Variants in SELENOF observed in about 807,000 individuals in gnomAD.
SELENOF encodes the protein 15 kDa selenoprotein.
SELENOF carries 16 observed loss-of-function variants against 20.5 expected under a neutral mutation model. That is an observed-to-expected ratio of 0.78 (90% CI 0.53 to 1.19). The LOEUF is 1.19. Ranked by LOEUF, SELENOF falls within the 50% of genes most tolerant of loss-of-function variation. The probability of loss-of-function intolerance (pLI) is 0.00; values close to 1 mark genes in which losing one functional copy is unlikely to be tolerated. For missense variants in SELENOF, 215 were observed against 194.2 expected (o/e 1.11, Z -0.64); for synonymous variants, 78 against 74.5 (o/e 1.05, Z -0.24).
intron 2 of SELENOF, among the ~76,000 whole-genome samples, chr1:86,897,866 C>A (rs1182337416): frequency 6.6e-6 from 1 of 152,238 alleles, no homozygotes; most frequent in East Asian, 1.9e-4. Context: ...TGCTGCTCAA[C>A]TGTGGAGTCC....
chr1:86,863,979 G>T (rs1658530361), intron 4 of SELENOF, among the ~76,000 whole-genome samples: 1 of 152,108 alleles, frequency 6.6e-6, no homozygotes, highest in Non-Finnish European at 1.5e-5. Flanking sequence ...CTTTTAAAGA[G>T]AAAAATATCT....
chr1:86,913,641 T>C (rs999797496), intron 1 of SELENOF, among the ~76,000 whole-genome samples: 3 of 152,196 alleles, frequency 2.0e-5, no homozygotes, highest in Admixed American at 2.0e-4. Flanking sequence ...GACCAACGAC[T>C]TGAAGACTTG....
In SELENOF at chr1:86,909,650, A is replaced by G. The variant is rs1659925645; in HGVS notation, c.84+4378T>C. Among the ~76,000 whole-genome samples, 3 of 152,184 alleles carry G rather than the reference A, an allele frequency of 2.0e-5. No individual in the cohort carries two copies. In the South Asian group the frequency reaches 6.2e-4, roughly 31 times the overall value. On this transcript the variant is annotated intron_variant, in intron 1 of 4. Coordinates refer to ENST00000331835, the MANE Select transcript of SELENOF (RefSeq NM_004261.5). ...AGGAGGAGTGGAGGGATACTAACAC[A>G]CACACACACAGAGCTATGATTTGGT...
At chr1:86,898,886 C>T (rs1389144797) in intron 2 of SELENOF, among the ~76,000 whole-genome samples, 1 of 151,462 alleles carries the variant, frequency 6.6e-6, no homozygotes, top group Non-Finnish European at 1.5e-5. Context: ...AGCAGATAAA[C>T]AAGTGAACAA....
In SELENOF at chr1:86,880,606, A is replaced by G. The variant is rs140403305; in HGVS notation, c.316+56T>C. The G allele has an allele frequency of 5.3e-4, 501 of 951,026 alleles. 4 individuals carry two copies. The African/African-American group carries it at 6.2e-3, about 12-fold the overall frequency. 58.9% of individuals were successfully genotyped at this position (951,026 alleles called of 1,614,324 possible). On this transcript the variant is annotated intron_variant, in intron 3 of 4. Transcript: ENST00000331835. ...TGGGAATATATAGTGAAAACGATTCACATAAAATGTTGATTTTAAATGACT... is the reference window on the plus strand; with the variant it reads ...TGGGAATATATAGTGAAAACGATTCGCATAAAATGTTGATTTTAAATGACT...
intron 1 of SELENOF, among the ~76,000 whole-genome samples, chr1:86,909,248 T>C (rs1347603229): frequency 2.0e-5 from 3 of 152,262 alleles, no homozygotes; most frequent in Non-Finnish European, 2.9e-5. Context: ...TACTGTTTTT[T>C]CAACAATTAT....
At chr1:86,876,218 G>A (rs1010329357) in intron 3 of SELENOF, among the ~76,000 whole-genome samples, 1 of 152,006 alleles carries the variant, frequency 6.6e-6, no homozygotes, top group South Asian at 2.1e-4. Flanking sequence ...TGAGGGAGAA[G>A]AGACACAACA....
chr1:86,900,191 C>T (rs931605626), intron 2 of SELENOF, among the ~76,000 whole-genome samples: 1 of 151,900 alleles, frequency 6.6e-6, no homozygotes, highest in African/African-American at 2.4e-5. Flanking sequence ...GGGGTGGCGG[C>T]TGGGCAGAGG....
At chr1:86,893,877 G>A (rs1004781339) in intron 2 of SELENOF, among the ~76,000 whole-genome samples, 2 of 152,082 alleles carry the variant, frequency 1.3e-5, no homozygotes, top group African/African-American at 2.4e-5. Flanking sequence ...GGGAAGTGGA[G>A]GGCATCCAAT....
At chr1:86,913,628 C>T (rs991937534) in intron 1 of SELENOF, among the ~76,000 whole-genome samples, 1 of 152,172 alleles carries the variant, frequency 6.6e-6, no homozygotes, top group Non-Finnish European at 1.5e-5. Flanking sequence ...AACTGTTCGC[C>T]TGGACCAACG....
At chr1:86,887,840 T>A (rs1183128320) in intron 2 of SELENOF, among the ~76,000 whole-genome samples, 2 of 152,138 alleles carry the variant, frequency 1.3e-5, no homozygotes, top group African/African-American at 4.8e-5. Context: ...GGTCATCACT[T>A]GGGAACAGTG....
At chr1:86,870,337 A>G (rs1264965574) in intron 3 of SELENOF, among the ~76,000 whole-genome samples, 1 of 152,210 alleles carries the variant, frequency 6.6e-6, no homozygotes, top group Non-Finnish European at 1.5e-5. Context: ...GCTTATTAAA[A>G]CATCATTTCT....
chr1:86,907,855 G>A (rs558115319), intron 1 of SELENOF, among the ~76,000 whole-genome samples: 24 of 152,100 alleles, frequency 1.6e-4, no homozygotes, highest in South Asian at 2.1e-4. Context: ...GGGTGGTGGC[G>A]CACACCTGTA....
intron 2 of SELENOF, among the ~76,000 whole-genome samples, chr1:86,900,283 T>C (rs1259588052): frequency 6.6e-6 from 1 of 151,994 alleles, no homozygotes; most frequent in Non-Finnish European, 1.5e-5. Context: ...GCCACTGCAC[T>C]CCAGCCTGGG....
chr1:86,878,550 C>A (rs554452068), intron 3 of SELENOF, among the ~76,000 whole-genome samples: 3 of 152,150 alleles, frequency 2.0e-5, no homozygotes, highest in Non-Finnish European at 4.4e-5. Context: ...GGTGTGGTGG[C>A]GTGCGCCTGT....
chr1:86,868,059 T>C lies in SELENOF; in HGVS notation c.360A>G (p.Gln120=), dbSNP rs746219321. 1.3e-6 allele frequency: 2 copies of C among 1,498,088 alleles called. No homozygotes were observed. Among genetic ancestry groups the C allele is most frequent in the South Asian group, 1.3e-5 (1 of 75,538 alleles). The allele number at this position is 1,498,088 out of a possible 1,614,324, so 92.8% of individuals were successfully genotyped here. A position where few individuals can be genotyped will look rare whatever the true frequency, so the allele number is the denominator to read the frequency against. Residue 120 remains glutamine (Q), a synonymous_variant, in exon 4 of 5, where the codon CAA becomes CAG. Transcript: ENST00000331835. Reference sequence around the variant, plus strand: ...TCCACTACAATCACCTTACCTTGATTTGCAGTCCTCTGAACAGTTTGGGTT... The same window carrying C: ...TCCACTACAATCACCTTACCTTGATCTGCAGTCCTCTGAACAGTTTGGGTT... ...SDKPKLFRGL[Q]IKYVRGSDPV...
chr1:86,888,753 T>A (rs1659298784), intron 2 of SELENOF, among the ~76,000 whole-genome samples: 1 of 152,168 alleles, frequency 6.6e-6, no homozygotes, highest in Non-Finnish European at 1.5e-5. Context: ...AACCCCCACC[T>A]CCCAGGTTCA....
chr1:86,885,990 G>A (rs1046384174), intron 2 of SELENOF, among the ~76,000 whole-genome samples: 8 of 152,108 alleles, frequency 5.3e-5, no homozygotes, highest in African/African-American at 1.9e-4. Flanking sequence ...TGTACGTGAG[G>A]CCATTATCAT....
chr1:86,873,725 G>T (rs937786865), intron 3 of SELENOF, among the ~76,000 whole-genome samples: 3 of 151,910 alleles, frequency 2.0e-5, no homozygotes, highest in African/African-American at 7.3e-5. Context: ...GGTGGTGCAT[G>T]CCTGTAATCC....
Sources: gnomAD v4.1 joint callset for allele counts (sites outside exome capture counted in the v4.1 genomes callset) on GRCh38, gnomAD v4.1.1 for gene constraint, MANE v1.5 for transcripts, NCBI Gene and HGNC (gene_info 2026-07-23, HGNC 2026-07-21) for gene names.